ABTB3: variants seen among roughly 807,000 people sequenced by gnomAD.
ABTB3 encodes the protein ankyrin repeat- and BTB/POZ domain-containing protein 3.
chr12:107,598,939 G>A, the ABTB3 span, among the ~76,000 whole-genome samples: 1 of 152,150 alleles, frequency 6.6e-6, no homozygotes, highest in African/African-American at 2.4e-5. Context: ...CAAGGGTCTG[G>A]ATGTTCCTCC....
At chr12:107,364,242 G>C in the ABTB3 span, among the ~76,000 whole-genome samples, 159 of 151,936 alleles carry the variant, frequency 1.0e-3, no homozygotes, top group Admixed American at 3.8e-3. Context: ...AAGGAAAATA[G>C]ATTATGGAGA....
At chr12:107,480,930 G>A in the ABTB3 span, among the ~76,000 whole-genome samples, 2 of 152,192 alleles carry the variant, frequency 1.3e-5, no homozygotes, top group Non-Finnish European at 2.9e-5. Context: ...ATAGAGTTCA[G>A]TGGGAAGAGG....
the ABTB3 span, chr12:107,616,950 C>T: frequency 1.3e-6 from 1 of 773,480 alleles, no homozygotes; most frequent in Non-Finnish European, 2.2e-6. Flanking sequence ...GGTACAGTTG[C>T]CCTCCAGCCT....
At chr12:107,398,412 A>G in the ABTB3 span, among the ~76,000 whole-genome samples, 1 of 152,364 alleles carries the variant, frequency 6.6e-6, no homozygotes, top group East Asian at 1.9e-4. Context: ...GAAAGATTTA[A>G]AGTATCCAAG....
the ABTB3 span, among the ~76,000 whole-genome samples, chr12:107,451,395 C>T: frequency 6.6e-6 from 1 of 152,194 alleles, no homozygotes. Flanking sequence ...CTGCGTTACG[C>T]AGTACTGAGC....
chr12:107,626,592 C>T, the ABTB3 span, among the ~76,000 whole-genome samples: 1 of 152,004 alleles, frequency 6.6e-6, no homozygotes, highest in South Asian at 2.1e-4. Context: ...TCGTGATCTG[C>T]CTGCCTCAGC....
At chr12:107,492,011 G>A in the ABTB3 span, among the ~76,000 whole-genome samples, 2 of 152,114 alleles carry the variant, frequency 1.3e-5, no homozygotes, top group Non-Finnish European at 2.9e-5. Context: ...CCAGGAGATG[G>A]CTAGGGCTTT....
the ABTB3 span, among the ~76,000 whole-genome samples, chr12:107,623,578 G>T: frequency 6.6e-6 from 1 of 151,404 alleles, no homozygotes; most frequent in Non-Finnish European, 1.5e-5. Flanking sequence ...TTTTGACCAG[G>T]CTGGTCTCGA....
chr12:107,332,366 C>A, the ABTB3 span, among the ~76,000 whole-genome samples: 1 of 152,172 alleles, frequency 6.6e-6, no homozygotes, highest in Non-Finnish European at 1.5e-5. Flanking sequence ...TAATGGAGAG[C>A]ATTAGCTGCT....
At chr12:107,357,865 A>C in the ABTB3 span, among the ~76,000 whole-genome samples, 1 of 152,346 alleles carries the variant, frequency 6.6e-6, no homozygotes, top group African/African-American at 2.4e-5. Context: ...ATTTCTGGGC[A>C]TTTAAAGCCC....
the ABTB3 span, among the ~76,000 whole-genome samples, chr12:107,452,202 ATTTTTTTTT>A: frequency 0.012 from 1,312 of 110,238 alleles, 26 homozygotes; most frequent in African/African-American, 0.039. Flanking sequence ...GCCCATATGA[ATTTTTTTTT>A]TTTTTTTTTT....
At chr12:107,319,787 G>T in the ABTB3 span, 1 of 1,452,926 alleles carries the variant, frequency 6.9e-7, no homozygotes, top group South Asian at 1.3e-5. Flanking sequence ...TGCGGCCCCC[G>T]CGGCGGATAA....
chr12:107,591,454 G>A, the ABTB3 span, among the ~76,000 whole-genome samples: 2 of 152,152 alleles, frequency 1.3e-5, no homozygotes, highest in African/African-American at 4.8e-5. Flanking sequence ...AAAGGGCAAA[G>A]GGGGAGGGGC....
chr12:107,328,867 G>A, the ABTB3 span, among the ~76,000 whole-genome samples: 1 of 152,214 alleles, frequency 6.6e-6, no homozygotes, highest in South Asian at 2.1e-4. Context: ...GGTAGAGGGC[G>A]GGGCTTGCCT....
the ABTB3 span, among the ~76,000 whole-genome samples, chr12:107,619,515 G>C: frequency 6.6e-6 from 1 of 152,146 alleles, no homozygotes; most frequent in Non-Finnish European, 1.5e-5. Flanking sequence ...GCTCTCATCT[G>C]GGCACGGATG....
chr12:107,417,224 G>A, the ABTB3 span, among the ~76,000 whole-genome samples: 30 of 152,248 alleles, frequency 2.0e-4, no homozygotes, highest in African/African-American at 6.7e-4. Context: ...ACAGAACCAC[G>A]TCTGCCACCG....
the ABTB3 span, among the ~76,000 whole-genome samples, chr12:107,648,937 G>C: frequency 6.6e-6 from 1 of 152,038 alleles, no homozygotes; most frequent in Non-Finnish European, 1.5e-5. Context: ...GTTTGGTCTT[G>C]GGGGTGGGCA....
At chr12:107,495,140 C>G in the ABTB3 span, among the ~76,000 whole-genome samples, 1 of 152,262 alleles carries the variant, frequency 6.6e-6, no homozygotes, top group East Asian at 1.9e-4. Flanking sequence ...TCCTCAGGAA[C>G]GCCATGCCCT....
the ABTB3 span, among the ~76,000 whole-genome samples, chr12:107,398,963 C>T: frequency 2.6e-5 from 4 of 152,066 alleles, no homozygotes; most frequent in South Asian, 4.1e-4. Flanking sequence ...TGCATGGGGT[C>T]GGGATAGGGG....
Sources: gnomAD v4.1 joint callset for allele counts (sites outside exome capture counted in the v4.1 genomes callset) on GRCh38, gnomAD v4.1.1 for gene constraint, MANE v1.5 for transcripts, NCBI Gene and HGNC (gene_info 2026-07-23, HGNC 2026-07-21) for gene names.